The following SNTN variants were observed in gnomAD, a reference collection of about 807,000 sequenced individuals.
SNTN encodes sentan.
SNTN carries 13 observed loss-of-function variants against 12.3 expected under a neutral mutation model. That is an observed-to-expected ratio of 1.05 (90% CI 0.69 to 1.67). The LOEUF (loss-of-function observed/expected upper bound fraction) is 1.67. Ranked by LOEUF, SNTN falls within the 40% of genes most tolerant of loss-of-function variation. The pLI, the probability that SNTN is intolerant of heterozygous loss-of-function variation, is 0.00. For synonymous variants in SNTN, 69 were observed against 58.5 expected (o/e 1.18, Z -0.82); for missense variants, 189 against 169.8 (o/e 1.11, Z -0.63).
At chr3:63,655,914 GTA>G (rs1302565517) in intron 2 of SNTN, among the ~76,000 whole-genome samples, 17 of 152,214 alleles carry the variant, frequency 1.1e-4, no homozygotes, top group African/African-American at 3.4e-4. Flanking sequence ...TGCAGGGTGA[GTA>G]TATATTTGCC....
In SNTN at chr3:63,664,055, A is replaced by T. The variant is rs989018952; in HGVS notation, c.404A>T (p.Asp135Val). Residue 135 changes from aspartate to valine, a missense_variant, in exon 4 of 4, where the codon GAT (aspartate) becomes GTT (valine). Physicochemically the swap from Asp to Val is radical, Grantham distance 152 (BLOSUM62 -3). Coordinates refer to ENST00000343837, the MANE Select transcript of SNTN (RefSeq NM_001080537.2). Reference sequence around the variant, plus strand: ...CTCTTAAGCATCACTGTCATGTCAGATCTGCTACAAAATATACGGAATGTA... The same window carrying T: ...CTCTTAAGCATCACTGTCATGTCAGTTCTGCTACAAAATATACGGAATGTA... The part of the protein sequence containing the change: ...ILLLSITVMS[D>V]LLQNIRNVKI... 2.5e-6 allele frequency: 4 copies of T among 1,612,858 alleles called. No homozygotes were observed. The highest frequency in any genetic ancestry group is 3.4e-6 in the Non-Finnish European group (4 of 1,179,678).
chr3:63,661,217 C>T (rs995960979), intron 3 of SNTN, among the ~76,000 whole-genome samples: 2 of 152,052 alleles, frequency 1.3e-5, no homozygotes, highest in South Asian at 2.1e-4. Context: ...TTGGAAAATA[C>T]CAGCCTAGGG....
rs75263136 is a variant in SNTN at position 63,664,514 on chromosome 3, T to A, written c.*419T>A. On this transcript the variant is annotated 3_prime_UTR_variant, in exon 4 of 4. Transcript: ENST00000343837. ...GTTTGCAGAAGTCTAGCAGAAGAGATAGACATTGAACAATTTTTAAATAAT... is the reference window on the plus strand; with the variant it reads ...GTTTGCAGAAGTCTAGCAGAAGAGAAAGACATTGAACAATTTTTAAATAAT... 6.4e-6 allele frequency: 1 copy of A among 156,164 alleles called. No individual in the cohort carries two copies. The highest frequency in any genetic ancestry group is 2.4e-5 in the African/African-American group (1 of 41,516). 9.7% of individuals were successfully genotyped at this position (156,164 alleles called of 1,614,324 possible). A position where few individuals can be genotyped will look rare whatever the true frequency, so the allele number is the denominator to read the frequency against.
chr3:63,655,721 TA>T (rs142867680), intron 2 of SNTN, among the ~76,000 whole-genome samples: 7,316 of 151,986 alleles, frequency 0.048, 422 homozygotes, highest in African/African-American at 0.14. Flanking sequence ...TCTTATGCCT[TA>T]AAAAAAACAC....
At position 63,658,481 on chromosome 3, in the gene SNTN, G is replaced by A. The variant is rs967426342; in HGVS notation, c.146-1244G>A. Among the ~76,000 whole-genome samples the A allele has an allele frequency of 4.0e-5, 6 of 150,688 alleles. No homozygotes were observed. In the East Asian group the frequency reaches 9.7e-4, roughly 24 times the overall value. Reference sequence around the variant, plus strand: ...ACAATAACAGAAAAAATAAATACATGTGTATACATATACATACTCTTGATT... The same window carrying A: ...ACAATAACAGAAAAAATAAATACATATGTATACATATACATACTCTTGATT... On this transcript the variant is annotated intron_variant, in intron 2 of 3. Coordinates refer to ENST00000343837, the MANE Select transcript of SNTN (RefSeq NM_001080537.2).
chr3:63,656,611 C>A (rs78072953), intron 2 of SNTN, among the ~76,000 whole-genome samples: 7,397 of 152,150 alleles, frequency 0.049, 371 homozygotes, highest in East Asian at 0.27. Flanking sequence ...ATTTTTACTT[C>A]TTTAAAGTGG....
intron 1 of SNTN, among the ~76,000 whole-genome samples, chr3:63,653,460 GA>G (rs1342686619): frequency 6.6e-6 from 1 of 152,064 alleles, no homozygotes; most frequent in Non-Finnish European, 1.5e-5. Context: ...AGAAGACCAC[GA>G]AGGGTTCGAG....
chr3:63,660,338 C>G (rs988145001), intron 3 of SNTN, among the ~76,000 whole-genome samples: 2 of 151,940 alleles, frequency 1.3e-5, no homozygotes, highest in African/African-American at 4.8e-5. Context: ...CGAGGAGAAG[C>G]CAAATCTTAC....
chr3:63,659,965 G>A (rs1221316627), intron 3 of SNTN, 101 bp downstream of exon 3: 26 of 1,411,804 alleles, frequency 1.8e-5, no homozygotes, highest in South Asian at 1.0e-4. Flanking sequence ...GTTGTCTCAC[G>A]TAACAAATGT....
At position 63,664,011 on chromosome 3, in the gene SNTN, T is replaced by C. The variant is rs1407519365; in HGVS notation, c.360T>C (p.Phe120=). The C allele has an allele frequency of 6.2e-7, 1 of 1,614,062 alleles. No individual in the cohort carries two copies. Among genetic ancestry groups the C allele is most frequent in the Admixed American group, 1.7e-5 (1 of 60,018 alleles). Residue 120 remains phenylalanine, a synonymous_variant, in exon 4 of 4, where the codon TTT becomes TTC. Transcript: ENST00000343837. ...LDEHTENKLD[F]EDFMILLLSI... ...AGCACACAGAAAATAAGCTAGATTT[T>C]GAAGACTTCATGATCTTGCTCTTAA...
chr3:63,659,602 A>G (rs1700719020), intron 2 of SNTN, 123 bp from the exon 3 acceptor site: 1 of 1,066,832 alleles, frequency 9.4e-7, no homozygotes, highest in East Asian at 2.4e-5. Flanking sequence ...CTTCTCCCAG[A>G]TAGGAGGCAA....
intron 3 of SNTN, 129 bp downstream of exon 3, chr3:63,659,993 T>C: frequency 2.7e-6 from 3 of 1,097,648 alleles, no homozygotes; most frequent in Non-Finnish European, 3.9e-6. Context: ...ACACCTACCT[T>C]ATGCCAGGCA....
chr3:63,652,775 G>C lies in SNTN; in HGVS notation c.88G>C (p.Ala30Pro). The change falls in exon 1 of 4, where the codon GCA (alanine) becomes CCA (proline). Residue 30 changes from alanine to proline, a missense_variant. Transcript: ENST00000343837. ...NPSAAPTSTC[A>P]PRKMPKRISI... The stretch of plus-strand genomic sequence containing the variant: ...TTCTGCAGCCCCAACATCCACCTGC[G>C]CACCTAGGAAAATGCCCAAAAGGTC... 3 of 1,614,006 alleles carry C rather than the reference G, an allele frequency of 1.9e-6. No individual in the cohort carries two copies. Among genetic ancestry groups the C allele is most frequent in the Non-Finnish European group, 2.5e-6 (3 of 1,179,920 alleles).
chr3:63,654,842 A>G lies in SNTN; in HGVS notation c.145+46A>G, dbSNP rs1700659102. ...ATGTACATTTTTCTCCTCTACCAAGATGGCATGCCAAGTGTTAAAAAAAAA... is the reference window on the plus strand; with the variant it reads ...ATGTACATTTTTCTCCTCTACCAAGGTGGCATGCCAAGTGTTAAAAAAAAA... On this transcript the variant is annotated intron_variant, in intron 2 of 3. Coordinates refer to ENST00000343837, the MANE Select transcript of SNTN (RefSeq NM_001080537.2). The G allele has an allele frequency of 3.8e-6, 6 of 1,559,592 alleles. No individual in the cohort carries two copies. The East Asian group carries it at 1.4e-4, about 35-fold the overall frequency.
At chr3:63,655,480 A>G (rs2106938822) in intron 2 of SNTN, among the ~76,000 whole-genome samples, 1 of 152,296 alleles carries the variant, frequency 6.6e-6, no homozygotes, top group South Asian at 2.1e-4. Flanking sequence ...CTCCATCTTC[A>G]TGGAACTATT....
At chr3:63,661,126 C>G (rs1052943048) in intron 3 of SNTN, among the ~76,000 whole-genome samples, 6 of 152,096 alleles carry the variant, frequency 3.9e-5, no homozygotes, top group African/African-American at 1.4e-4. Flanking sequence ...AGACGACTAT[C>G]AATTCTTATT....
chr3:63,663,708 C>A, intron 3 of SNTN: 1 of 652,984 alleles, frequency 1.5e-6, no homozygotes, highest in Non-Finnish European at 2.8e-6. Flanking sequence ...TCCCCTTCAC[C>A]TTCTACCATG....
chr3:63,655,814 T>C (rs1040039815), intron 2 of SNTN, among the ~76,000 whole-genome samples: 1 of 152,232 alleles, frequency 6.6e-6, no homozygotes, highest in East Asian at 1.9e-4. Context: ...AAATCAGACA[T>C]GGATAGGTCG....
In SNTN at chr3:63,659,861, A is replaced by C; in HGVS notation, c.282A>C (p.Ala94=). 1 of 1,613,956 alleles carries C rather than the reference A, an allele frequency of 6.2e-7. No homozygotes were observed. Among genetic ancestry groups the C allele is most frequent in the East Asian group, 2.2e-5 (1 of 44,866 alleles). ...DLLQTQFRNF[A]EGQETKPKYR... ...TGCAAACCCAATTTAGGAATTTCGC[A>C]GAGGTGAGAGAATTAACTTGCATAA... The change falls in exon 3 of 4, where the codon GCA becomes GCC. Residue 94 remains alanine (A), a synonymous_variant. Coordinates refer to ENST00000343837, the MANE Select transcript of SNTN (RefSeq NM_001080537.2).
Sources: gnomAD v4.1 joint callset for allele counts (sites outside exome capture counted in the v4.1 genomes callset) on GRCh38, gnomAD v4.1.1 for gene constraint, MANE v1.5 for transcripts, NCBI Gene and HGNC (gene_info 2026-07-23, HGNC 2026-07-21) for gene names.